CFAP92: variants seen among roughly 807,000 people sequenced by gnomAD.
The protein encoded by CFAP92 is cilia and flagella associated protein 92 (putative), also known as uncharacterized protein CFAP92.
Under a neutral mutation model 106.3 loss-of-function variants are expected in CFAP92, and 86 were observed. The observed-to-expected ratio is 0.81, with a 90% CI of 0.68 to 0.97. The LOEUF is 0.97. CFAP92 is among the 50% of genes least tolerant of loss of function. CFAP92 has a pLI of 0.00. For synonymous variants in CFAP92, 477 were observed against 506.4 expected (o/e 0.94, Z 0.78); for missense variants, 1,204 against 1,283.8 (o/e 0.94, Z 0.95).
chr3:128,927,556 G>A (rs942158842), intron 12 of CFAP92, among the ~76,000 whole-genome samples: 4 of 151,354 alleles, frequency 2.6e-5, no homozygotes, highest in Non-Finnish European at 5.9e-5. Context: ...CCTGTCTCTA[G>A]TAAAAATACA....
chr3:128,937,956 A>G (rs1939218141), intron 10 of CFAP92, among the ~76,000 whole-genome samples: 1 of 151,956 alleles, frequency 6.6e-6, no homozygotes, highest in Non-Finnish European at 1.5e-5. Flanking sequence ...CTCAGCTACT[A>G]TGGAGGTTGA....
At chr3:128,922,793 C>T (rs947668210) in intron 12 of CFAP92, among the ~76,000 whole-genome samples, 3 of 152,204 alleles carry the variant, frequency 2.0e-5, no homozygotes, top group African/African-American at 7.2e-5. Flanking sequence ...GAGGTAGAGA[C>T]TTATTGCAAC....
At chr3:129,016,641 G>A in the CFAP92 span, among the ~76,000 whole-genome samples, 1 of 152,200 alleles carries the variant, frequency 6.6e-6, no homozygotes, top group Admixed American at 6.5e-5. Context: ...AAGCCCTGGA[G>A]ACAGAGCTAC....
At chr3:128,948,680 C>T (rs1379369924) in intron 9 of CFAP92, among the ~76,000 whole-genome samples, 1 of 151,700 alleles carries the variant, frequency 6.6e-6, no homozygotes, top group Non-Finnish European at 1.5e-5. Context: ...CAGGCACGCG[C>T]CACCAGGCCT....
At chr3:128,930,946 C>T (rs1938298912) in intron 12 of CFAP92, among the ~76,000 whole-genome samples, 1 of 152,070 alleles carries the variant, frequency 6.6e-6, no homozygotes. Context: ...TTCTGTTGCT[C>T]TGAGTGCTGG....
chr3:128,941,200 GT>G (rs1040766023), intron 10 of CFAP92, among the ~76,000 whole-genome samples: 2 of 151,994 alleles, frequency 1.3e-5, no homozygotes, highest in Non-Finnish European at 1.5e-5. Context: ...TTAAAAATTA[GT>G]TTTTGTAGGT....
At chr3:129,001,654 A>AG in intron 1 of CFAP92, 1 of 1,393,910 alleles carries the variant, frequency 7.2e-7, no homozygotes, top group Non-Finnish European at 9.3e-7. Context: ...ACGGGCGCGG[A>AG]GGCCGGCATG....
intron 1 of CFAP92, chr3:129,001,505 C>G (rs147900895): frequency 7.7e-7 from 1 of 1,303,600 alleles, no homozygotes; most frequent in Non-Finnish European, 9.8e-7. Context: ...CGGTCCCCGG[C>G]GCCGCTCCAA....
intron 10 of CFAP92, among the ~76,000 whole-genome samples, chr3:128,937,604 CAAA>C (rs34770025): frequency 9.9e-5 from 14 of 141,352 alleles, no homozygotes; most frequent in Non-Finnish European, 1.9e-4. Flanking sequence ...ACTCCATATC[CAAA>C]AAAAAAAAAG....
At chr3:128,910,389 A>T (rs1183254229) in intron 15 of CFAP92, 56 bp from the exon 16 acceptor site, 3 of 1,434,936 alleles carry the variant, frequency 2.1e-6, no homozygotes, top group Non-Finnish European at 2.8e-6. Context: ...CCCTACCCCC[A>T]GCAAGGGACA....
At chr3:128,941,743 T>C (rs1939658072) in intron 10 of CFAP92, among the ~76,000 whole-genome samples, 1 of 152,154 alleles carries the variant, frequency 6.6e-6, no homozygotes, top group Non-Finnish European at 1.5e-5. Flanking sequence ...TCCCAAAGTG[T>C]TGGGATTACA....
At chr3:128,992,993 C>G in intron 2 of CFAP92, 50 bp downstream of exon 2, 2 of 1,604,262 alleles carry the variant, frequency 1.2e-6, no homozygotes, top group Non-Finnish European at 1.7e-6. Flanking sequence ...TGCAGAAAGT[C>G]ATGCACCTCC....
chr3:128,985,483 C>T (rs1322238054), intron 4 of CFAP92, among the ~76,000 whole-genome samples: 1 of 152,156 alleles, frequency 6.6e-6, no homozygotes, highest in Admixed American at 6.5e-5. Flanking sequence ...TAAGAATACT[C>T]ATAGCAGGAG....
At chr3:128,941,079 C>T (rs1939573302) in intron 10 of CFAP92, among the ~76,000 whole-genome samples, 1 of 152,098 alleles carries the variant, frequency 6.6e-6, no homozygotes, top group Non-Finnish European at 1.5e-5. Flanking sequence ...TTTATGTCTT[C>T]CTTAATGTTT....
At chr3:128,948,842 T>C (rs532801679) in intron 9 of CFAP92, among the ~76,000 whole-genome samples, 1 of 152,194 alleles carries the variant, frequency 6.6e-6, no homozygotes, top group African/African-American at 2.4e-5. Flanking sequence ...GAATATATAT[T>C]TTTTAAAACT....
chr3:129,011,316 C>T, the CFAP92 span, among the ~76,000 whole-genome samples: 16 of 152,150 alleles, frequency 1.1e-4, no homozygotes, highest in East Asian at 1.4e-3. Context: ...TTTGGGAGGC[C>T]GAAGTGGGTG....
intron 15 of CFAP92, chr3:128,914,699 C>T (rs1277484440): frequency 6.0e-6 from 1 of 168,012 alleles, no homozygotes; most frequent in African/African-American, 2.4e-5. Flanking sequence ...TGCCTTACCC[C>T]AAAGAAAGAA....
In CFAP92 at chr3:128,913,478, T is replaced by G. The variant is rs879556317; in HGVS notation, c.3280+1641A>C. On this transcript the variant is annotated intron_variant, in intron 15 of 15. Coordinates refer to ENST00000645291, the MANE Select transcript of CFAP92 (RefSeq NM_001394090.1). ...TCCCTTCTGCTGGCACTTGAAAGATTACACCAGGTCCCAGCGTGCTCACTG... is the reference window on the plus strand; with the variant it reads ...TCCCTTCTGCTGGCACTTGAAAGATGACACCAGGTCCCAGCGTGCTCACTG... Among the ~76,000 whole-genome samples the G allele has an allele frequency of 2.7e-4, 30 of 112,362 alleles. No homozygotes were observed. The Admixed American group carries it at 2.7e-3, about 10-fold the overall frequency. 73.7% of individuals were successfully genotyped at this position (112,362 alleles called of 152,430 possible).
At chr3:128,978,534 A>C (rs1320568205) in intron 4 of CFAP92, among the ~76,000 whole-genome samples, 1 of 152,208 alleles carries the variant, frequency 6.6e-6, no homozygotes, top group Non-Finnish European at 1.5e-5. Context: ...TTGAAGCTGC[A>C]GGGAGCTGTG....
Sources: allele counts gnomAD v4.1 joint callset (sites outside exome capture counted in the v4.1 genomes callset), GRCh38; gene constraint gnomAD v4.1.1; transcripts MANE v1.5; gene names NCBI Gene and HGNC (gene_info 2026-07-23, HGNC 2026-07-21).